The following RBL1 variants were observed in gnomAD, a reference collection of about 807,000 sequenced individuals.
RBL1 encodes the protein retinoblastoma-like protein 1.
In RBL1, 82 loss-of-function variants were observed where a neutral mutation model predicts 123.0. The observed-to-expected ratio is 0.67, with a 90% CI of 0.56 to 0.80. RBL1 has a LOEUF of 0.80. Ranked by LOEUF, RBL1 falls within the 30% of genes least tolerant of loss-of-function variation. The pLI, the probability that RBL1 is intolerant of heterozygous loss-of-function variation, is 0.00. For synonymous variants in RBL1, 405 were observed against 441.3 expected, an observed-to-expected ratio of 0.92 and a Z score of 1.03; for missense variants, 1,171 against 1,299.6, an observed-to-expected ratio of 0.90 and a Z score of 1.52.
chr20:37,003,460 T>C (rs2064018801), intron 21 of RBL1: 2 of 757,748 alleles, frequency 2.6e-6, no homozygotes, highest in Admixed American at 4.9e-5. Flanking sequence ...AAGATCTTGC[T>C]TGAACAGGAA....
At chr20:37,065,173 T>C (rs1257978684) in intron 7 of RBL1, among the ~76,000 whole-genome samples, 5 of 152,182 alleles carry the variant, frequency 3.3e-5, no homozygotes, top group Non-Finnish European at 7.3e-5. Flanking sequence ...GCTCAAGCAA[T>C]CTGCCTGCCT....
At chr20:37,001,073 C>T (rs1472002070) in intron 21 of RBL1, among the ~76,000 whole-genome samples, 5 of 143,306 alleles carry the variant, frequency 3.5e-5, no homozygotes, top group African/African-American at 7.8e-5. Context: ...GGGAGGGAGG[C>T]GGGGAGGTCA....
intron 11 of RBL1, among the ~76,000 whole-genome samples, chr20:37,052,358 G>T (rs2064930561): frequency 6.6e-6 from 1 of 151,812 alleles, no homozygotes; most frequent in Non-Finnish European, 1.5e-5. Flanking sequence ...TTGAGATGCA[G>T]TCTCTCTCTG....
intron 18 of RBL1, among the ~76,000 whole-genome samples, chr20:37,019,337 G>C (rs1423121233): frequency 6.6e-6 from 1 of 152,130 alleles, no homozygotes; most frequent in African/African-American, 2.4e-5. Context: ...GAGATAGCTG[G>C]AAAGGCATGA....
At chr20:37,075,240 G>A (rs1354648333) in intron 2 of RBL1, among the ~76,000 whole-genome samples, 3 of 152,136 alleles carry the variant, frequency 2.0e-5, no homozygotes, top group East Asian at 1.9e-4. Flanking sequence ...GCTAACAGGG[G>A]TTTCTTTTTG....
intron 1 of RBL1, among the ~76,000 whole-genome samples, chr20:37,089,979 G>A (rs1022271355): frequency 5.9e-5 from 9 of 152,242 alleles, no homozygotes; most frequent in Non-Finnish European, 1.2e-4. Context: ...TTAAACTCGG[G>A]AGGCAGAGGT....
chr20:37,019,589 A>C (rs753429083), intron 18 of RBL1, among the ~76,000 whole-genome samples: 7 of 152,122 alleles, frequency 4.6e-5, no homozygotes, highest in Non-Finnish European at 1.0e-4. Flanking sequence ...TGCTTGCTAT[A>C]ATGTATTTTA....
intron 1 of RBL1, among the ~76,000 whole-genome samples, chr20:37,093,889 C>T (rs535175345): frequency 6.6e-6 from 1 of 152,158 alleles, no homozygotes; most frequent in African/African-American, 2.4e-5. Flanking sequence ...GATCTGCCCA[C>T]CTCAGCCTCC....
At chr20:37,075,364 A>G (rs919217207) in intron 2 of RBL1, among the ~76,000 whole-genome samples, 3 of 152,230 alleles carry the variant, frequency 2.0e-5, no homozygotes, top group African/African-American at 7.2e-5. Flanking sequence ...ATGTCATAAT[A>G]TCTCAATAGG....
At chr20:37,012,516 GC>G (rs1568820791) in intron 19 of RBL1, among the ~76,000 whole-genome samples, 1 of 135,548 alleles carries the variant, frequency 7.4e-6, no homozygotes, top group Non-Finnish European at 1.6e-5. Flanking sequence ...CTGCCCCGCC[GC>G]CCCGTCTGGG....
rs182388432 is a variant in RBL1, at chr20:37,065,548, A to G, written c.847-75T>C. ...ACACACACAAACGTGAAATTTATCT[A>G]AATTTCCATATTGTTATAACACACA... On this transcript the variant is annotated intron_variant, in intron 6 of 21. Transcript: ENST00000373664. The G allele has an allele frequency of 6.5e-4, 614 of 947,370 alleles. 5 individuals are homozygous for G. The East Asian group carries it at 0.015, about 23-fold the overall frequency. 58.7% of individuals were successfully genotyped at this position (947,370 alleles called of 1,614,324 possible).
At chr20:37,075,834 A>T (rs2065355313) in intron 2 of RBL1, among the ~76,000 whole-genome samples, 1 of 152,240 alleles carries the variant, frequency 6.6e-6, no homozygotes, top group African/African-American at 2.4e-5. Context: ...TCATCCAGAA[A>T]TTACTTTTTA....
chr20:37,095,816 G>A lies in RBL1; in HGVS notation c.113C>T (p.Ala38Val). The A allele has an allele frequency of 6.2e-7, 1 of 1,609,644 alleles. No homozygotes were observed. ...LNLDEGSAAEALDDFTAIRGN... is the reference protein window; with the variant it reads ...LNLDEGSAAEVLDDFTAIRGN... The stretch of plus-strand genomic sequence containing the variant: ...TCGGATGGCAGTAAAGTCGTCCAGG[G>A]CTTCGGCCGCGCTCCCCTCGTCCAG... The change falls in exon 1 of 22, where the codon GCC becomes GTC. Residue 38 changes from alanine (A) to valine (V), a missense_variant. Coordinates refer to ENST00000373664, the MANE Select transcript of RBL1 (RefSeq NM_002895.5).
chr20:37,028,862 AG>A (rs2064463000), intron 16 of RBL1, among the ~76,000 whole-genome samples: 1 of 152,232 alleles, frequency 6.6e-6, no homozygotes, highest in Non-Finnish European at 1.5e-5. Flanking sequence ...AAGTGGCTAA[AG>A]GTACATTACT....
At chr20:37,009,981 C>T (rs1441994578) in intron 19 of RBL1, among the ~76,000 whole-genome samples, 1 of 151,870 alleles carries the variant, frequency 6.6e-6, no homozygotes. Flanking sequence ...GCTATGATTG[C>T]CCCATTACAT....
chr20:37,013,241 C>T (rs1258475339), intron 19 of RBL1, among the ~76,000 whole-genome samples: 1 of 152,052 alleles, frequency 6.6e-6, no homozygotes, highest in Non-Finnish European at 1.5e-5. Context: ...TTGTTCTGTA[C>T]TAAGAAAAAT....
chr20:37,028,863 G>T (rs144877572), intron 16 of RBL1, among the ~76,000 whole-genome samples: 187 of 152,190 alleles, frequency 1.2e-3, no homozygotes, highest in African/African-American at 4.3e-3. Context: ...AGTGGCTAAA[G>T]GTACATTACT....
chr20:37,070,716 T>G (rs549336540), intron 2 of RBL1, among the ~76,000 whole-genome samples: 4 of 152,028 alleles, frequency 2.6e-5, no homozygotes, highest in Non-Finnish European at 4.4e-5. Flanking sequence ...CAGGTTGGAG[T>G]GCAGTGGCAC....
intron 11 of RBL1, among the ~76,000 whole-genome samples, chr20:37,047,980 A>T (rs1273131201): frequency 6.6e-6 from 1 of 152,202 alleles, no homozygotes; most frequent in Non-Finnish European, 1.5e-5. Flanking sequence ...ACTCAGTCTC[A>T]GAAAAAACAA....
Sources: allele counts gnomAD v4.1 joint callset (sites outside exome capture counted in the v4.1 genomes callset), GRCh38; gene constraint gnomAD v4.1.1; transcripts MANE v1.5; gene names NCBI Gene and HGNC (gene_info 2026-07-23, HGNC 2026-07-21).